The following SHISA9 variants were observed in gnomAD, a reference collection of about 807,000 sequenced individuals.
SHISA9 encodes shisa family member 9.
In SHISA9, 13 loss-of-function variants were observed where a neutral mutation model predicts 38.0. That is an observed-to-expected ratio of 0.34 (90% CI 0.22 to 0.54). The LOEUF (loss-of-function observed/expected upper bound fraction) is 0.54. SHISA9 is among the 20% of genes least tolerant of loss of function. The probability of loss-of-function intolerance (pLI) is 0.91; values close to 1 mark genes in which losing one functional copy is unlikely to be tolerated. For synonymous variants in SHISA9, 275 were observed against 242.0 expected, an observed-to-expected ratio of 1.14 and a Z score of -1.27; for missense variants, 538 against 575.8, an observed-to-expected ratio of 0.93 and a Z score of 0.67.
chr16:12,917,474 A>G (rs892755103), intron 2 of SHISA9, among the ~76,000 whole-genome samples: 2 of 151,994 alleles, frequency 1.3e-5, no homozygotes, highest in African/African-American at 4.8e-5. Context: ...TGTGTTTGCT[A>G]TTGTGTTTCA....
intron 2 of SHISA9, among the ~76,000 whole-genome samples, chr16:13,051,910 G>A (rs1461947694): frequency 6.6e-6 from 1 of 151,944 alleles, no homozygotes; most frequent in Non-Finnish European, 1.5e-5. Flanking sequence ...GACTACAGGT[G>A]CCCGCCACCA....
chr16:13,301,545 T>C, the SHISA9 span, among the ~76,000 whole-genome samples: 1 of 152,240 alleles, frequency 6.6e-6, no homozygotes, highest in Non-Finnish European at 1.5e-5. Flanking sequence ...TTTAAACTTC[T>C]AATAGTTCTG....
the SHISA9 span, among the ~76,000 whole-genome samples, chr16:13,487,463 G>A: frequency 3.4e-3 from 519 of 152,284 alleles, 4 homozygotes; most frequent in Middle Eastern, 0.024. Flanking sequence ...GAAGGAGGCA[G>A]GGGCTGCCAC....
chr16:13,164,840 G>C (rs1290296419), intron 2 of SHISA9, among the ~76,000 whole-genome samples: 1 of 152,120 alleles, frequency 6.6e-6, no homozygotes, highest in Non-Finnish European at 1.5e-5. Flanking sequence ...TTTCACAATA[G>C]AGTTTGGATG....
chr16:13,557,128 A>G, the SHISA9 span, among the ~76,000 whole-genome samples: 1 of 152,206 alleles, frequency 6.6e-6, no homozygotes, highest in Non-Finnish European at 1.5e-5. Flanking sequence ...TCAATGAAGA[A>G]TAAGTGAATA....
At chr16:12,946,198 A>G (rs1464111799) in intron 2 of SHISA9, among the ~76,000 whole-genome samples, 2 of 152,152 alleles carry the variant, frequency 1.3e-5, no homozygotes, top group South Asian at 2.1e-4. Context: ...CCATTGGTCT[A>G]TATATCTGTT....
At chr16:13,447,743 T>G in the SHISA9 span, among the ~76,000 whole-genome samples, 1 of 152,226 alleles carries the variant, frequency 6.6e-6, no homozygotes, top group East Asian at 1.9e-4. Context: ...GCCAGCTGCA[T>G]ACTGCATACA....
chr16:13,095,673 C>T (rs1171042510), intron 2 of SHISA9, among the ~76,000 whole-genome samples: 1 of 152,216 alleles, frequency 6.6e-6, no homozygotes, highest in Admixed American at 6.5e-5. Context: ...ACAAACACTG[C>T]ACAACGAGTT....
At chr16:13,081,096 A>G (rs2073643542) in intron 2 of SHISA9, among the ~76,000 whole-genome samples, 1 of 152,262 alleles carries the variant, frequency 6.6e-6, no homozygotes, top group Non-Finnish European at 1.5e-5. Flanking sequence ...GAGAGATACA[A>G]AAACATTCAA....
intron 2 of SHISA9, among the ~76,000 whole-genome samples, chr16:13,116,398 C>T (rs1444986273): frequency 2.0e-5 from 3 of 152,176 alleles, no homozygotes; most frequent in Middle Eastern, 3.4e-3. Flanking sequence ...TGTCAGAGCA[C>T]CATGGTTTAT....
At chr16:13,361,334 C>G in the SHISA9 span, among the ~76,000 whole-genome samples, 1 of 152,244 alleles carries the variant, frequency 6.6e-6, no homozygotes, top group Non-Finnish European at 1.5e-5. Context: ...ACCATCCTTT[C>G]AGTTGCTTAA....
chr16:13,137,128 T>C (rs1408763833), intron 2 of SHISA9, among the ~76,000 whole-genome samples: 1 of 152,192 alleles, frequency 6.6e-6, no homozygotes, highest in East Asian at 1.9e-4. Flanking sequence ...TTGTGAGAAG[T>C]CAAGTCCAGT....
chr16:12,934,123 C>T (rs904334825), intron 2 of SHISA9, among the ~76,000 whole-genome samples: 4 of 152,062 alleles, frequency 2.6e-5, no homozygotes, highest in African/African-American at 7.2e-5. Context: ...TGTGGAAGTC[C>T]AGTGGGGCTG....
At chr16:13,157,532 G>A (rs1023037865) in intron 2 of SHISA9, among the ~76,000 whole-genome samples, 2 of 152,194 alleles carry the variant, frequency 1.3e-5, no homozygotes, top group African/African-American at 4.8e-5. Context: ...TTTTCGTGAG[G>A]ATTGAAGGAA....
At chr16:12,922,001 G>T (rs1381714459) in intron 2 of SHISA9, among the ~76,000 whole-genome samples, 2 of 152,168 alleles carry the variant, frequency 1.3e-5, no homozygotes, top group Non-Finnish European at 2.9e-5. Flanking sequence ...GAGTGGTTAG[G>T]TGGCTTGTCT....
At chr16:13,220,839 C>T (rs537472838) in intron 4 of SHISA9, among the ~76,000 whole-genome samples, 3 of 152,218 alleles carry the variant, frequency 2.0e-5, no homozygotes, top group South Asian at 4.1e-4. Context: ...GTTGACTGCA[C>T]AGCAGGACTG....
the SHISA9 span, among the ~76,000 whole-genome samples, chr16:13,396,390 C>A: frequency 6.6e-6 from 1 of 152,162 alleles, no homozygotes; most frequent in Non-Finnish European, 1.5e-5. Context: ...ACTTGTAATT[C>A]CAGCTACTGA....
intron 2 of SHISA9, among the ~76,000 whole-genome samples, chr16:13,054,258 A>G (rs2073285148): frequency 6.6e-6 from 1 of 152,210 alleles, no homozygotes; most frequent in African/African-American, 2.4e-5. Context: ...AAATGGGGAT[A>G]ACGATGATCT....
chr16:12,906,901 C>T (rs185641708), intron 1 of SHISA9, among the ~76,000 whole-genome samples: 86 of 152,234 alleles, frequency 5.6e-4, no homozygotes, highest in African/African-American at 1.9e-3. Flanking sequence ...AAAATGTCAT[C>T]TAAGGGCAAA....
Sources: gnomAD v4.1 joint callset for allele counts (sites outside exome capture counted in the v4.1 genomes callset) on GRCh38, gnomAD v4.1.1 for gene constraint, MANE v1.5 for transcripts, NCBI Gene and HGNC (gene_info 2026-07-23, HGNC 2026-07-21) for gene names.